The following SHROOM3 variants were observed in gnomAD, a reference collection of about 807,000 sequenced individuals.
The protein encoded by SHROOM3 is shroom family member 3, also known as protein Shroom3.
A neutral mutation model predicts 138.6 loss-of-function variants in SHROOM3; 47 were observed. The observed-to-expected ratio is 0.34, with a 90% CI of 0.27 to 0.43. The LOEUF (loss-of-function observed/expected upper bound fraction) is 0.43. SHROOM3 is among the 20% of genes least tolerant of loss of function. The pLI is 1.00. For synonymous variants in SHROOM3, 1,062 were observed against 1,063.3 expected, an observed-to-expected ratio of 1.00 and a Z score of 0.02; for missense variants, 2,491 against 2,596.5, an observed-to-expected ratio of 0.96 and a Z score of 0.88.
rs558155234 is a variant in SHROOM3, at chr4:76,444,064, A to C, written c.168+7844A>C. Among the ~76,000 whole-genome samples, 33 of 151,726 alleles carry C rather than the reference A, an allele frequency of 2.2e-4. 1 individual carries two copies. Among genetic ancestry groups the C allele is most frequent in the African/African-American group, 7.0e-4 (29 of 41,370 alleles). Reference sequence around the variant, plus strand: ...TCAGCCTCCCAAGTAGCTGGGATTAAAGGTGGACACCACCACACCCGGCTA... The same window carrying C: ...TCAGCCTCCCAAGTAGCTGGGATTACAGGTGGACACCACCACACCCGGCTA... On this transcript the variant is annotated intron_variant, in intron 1 of 10. Coordinates refer to ENST00000296043, the MANE Select transcript of SHROOM3 (RefSeq NM_020859.4).
At chr4:76,633,524 C>G (rs928379062) in intron 2 of SHROOM3, among the ~76,000 whole-genome samples, 91 of 151,192 alleles carry the variant, frequency 6.0e-4, no homozygotes, top group African/African-American at 2.0e-3. Context: ...GGTGTGGTGG[C>G]GGGCGCCTGT....
chr4:76,669,537 C>G (rs1718814909), intron 2 of SHROOM3, among the ~76,000 whole-genome samples: 1 of 151,744 alleles, frequency 6.6e-6, no homozygotes, highest in Non-Finnish European at 1.5e-5. Flanking sequence ...TCACTTGAAC[C>G]CGGGAGGTAG....
chr4:76,471,626 G>C (rs1402891369), intron 1 of SHROOM3, among the ~76,000 whole-genome samples: 1 of 152,164 alleles, frequency 6.6e-6, no homozygotes, highest in African/African-American at 2.4e-5. Flanking sequence ...CTCAAAGTGG[G>C]AGGGAGTCCT....
In SHROOM3 at chr4:76,741,551, G is replaced by A. The variant is rs949653440; in HGVS notation, c.3378G>A (p.Ala1126=). The A allele has an allele frequency of 1.9e-6, 3 of 1,546,472 alleles. No individual in the cohort carries two copies. The highest frequency in any genetic ancestry group is 2.7e-5 in the African/African-American group (2 of 73,458). ...GTGCCTACCTCCAGCCCGGCCCCGC[G>A]GCGCTCGAAGGCTCCGGCCTCGCCT... is the stretch of plus-strand genomic sequence containing the variant. The part of the protein sequence containing the change: ...AQSAYLQPGP[A]ALEGSGLASA... Residue 1126 remains alanine, a synonymous_variant, in exon 5 of 11, where the codon GCG becomes GCA. Transcript: ENST00000296043. The surrounding 1 kb of genome is among the most constrained non-coding windows in gnomAD (Gnocchi z 6.2).
At chr4:76,722,907 G>T (rs1348596645) in intron 3 of SHROOM3, among the ~76,000 whole-genome samples, 3 of 151,844 alleles carry the variant, frequency 2.0e-5, no homozygotes, top group Admixed American at 2.0e-4. Flanking sequence ...TTAGTAAGGG[G>T]TTTAAGAAAT....
intron 2 of SHROOM3, among the ~76,000 whole-genome samples, chr4:76,636,143 G>A (rs1735488574): frequency 6.6e-6 from 1 of 152,198 alleles, no homozygotes. Context: ...ATGTGTGATT[G>A]ATGTCTCTTT....
chr4:76,706,517 T>C (rs1168532186), intron 2 of SHROOM3, among the ~76,000 whole-genome samples: 3 of 152,222 alleles, frequency 2.0e-5, no homozygotes, highest in Admixed American at 2.0e-4. Flanking sequence ...CTCATTGTCT[T>C]CATGTTGACT....
Position 76,755,128 on chromosome 4 carries a change from C to T in SHROOM3, c.4645C>T (p.Pro1549Ser), listed in dbSNP as rs1307989929. Residue 1549 changes from proline to serine, a missense_variant, in exon 7 of 11, where the codon CCT becomes TCT. Physicochemically the swap from Pro to Ser is moderately conservative, Grantham distance 74. Transcript: ENST00000296043. The part of the protein sequence containing the change: ...PVYSMDDFPP[P>S]PPHTVCEAQL... ...GTATAGCATGGATGACTTCCCTCCA[C>T]CTCCTCCCCACACTGTATGTGAGGC... 1.2e-6 allele frequency: 2 copies of T among 1,610,110 alleles called. No homozygotes were observed. The highest frequency in any genetic ancestry group is 2.2e-5 in the East Asian group (1 of 44,788).
At chr4:76,627,142 C>G (rs924790376) in intron 2 of SHROOM3, among the ~76,000 whole-genome samples, 1 of 152,150 alleles carries the variant, frequency 6.6e-6, no homozygotes, top group Non-Finnish European at 1.5e-5. Flanking sequence ...AGGATCACAG[C>G]ACTTTGGGGG....
chr4:76,495,471 T>C (rs781303479), intron 1 of SHROOM3, among the ~76,000 whole-genome samples: 13 of 152,384 alleles, frequency 8.5e-5, no homozygotes, highest in Non-Finnish European at 1.8e-4. Context: ...AGAGATCTGA[T>C]GCAATCAGGC....
At chr4:76,775,027 C>T (rs373740783) in intron 10 of SHROOM3, among the ~76,000 whole-genome samples, 5 of 151,694 alleles carry the variant, frequency 3.3e-5, no homozygotes, top group African/African-American at 9.7e-5. Flanking sequence ...TTCTTAGTGG[C>T]GATTTCTGTG....
rs189384127 is a variant in SHROOM3 at position 76,658,306 on chromosome 4, C to T, written c.324-51850C>T. ...TTCCTGCTTCATTTCTGGAAGAGCC[C>T]TCAGGGGAGGTTCTAAAAATGGAAA... On this transcript the variant is annotated intron_variant, in intron 2 of 10. Transcript: ENST00000296043. Among the ~76,000 whole-genome samples the T allele has an allele frequency of 3.0e-4, 45 of 152,178 alleles. No individual in the cohort carries two copies. The East Asian group carries it at 3.9e-3, about 13-fold the overall frequency.
intron 2 of SHROOM3, among the ~76,000 whole-genome samples, chr4:76,661,686 T>A (rs1577958889): frequency 6.6e-6 from 1 of 152,186 alleles, no homozygotes; most frequent in African/African-American, 2.4e-5. Flanking sequence ...CAGTATATAA[T>A]CTTTTTTGTT....
intron 2 of SHROOM3, among the ~76,000 whole-genome samples, chr4:76,681,493 C>A (rs1236690900): frequency 3.3e-5 from 5 of 151,628 alleles, no homozygotes; most frequent in African/African-American, 1.2e-4. Flanking sequence ...ATTTTGAGAC[C>A]TCATTCAGCT....
intron 2 of SHROOM3, among the ~76,000 whole-genome samples, chr4:76,684,340 G>A (rs1453697085): frequency 2.0e-5 from 3 of 152,184 alleles, no homozygotes; most frequent in Non-Finnish European, 4.4e-5. Context: ...ATAAGGACAA[G>A]AACTTGCTGG....
chr4:76,449,440 G>T (rs371249659), intron 1 of SHROOM3, among the ~76,000 whole-genome samples: 1 of 152,158 alleles, frequency 6.6e-6, no homozygotes, highest in Non-Finnish European at 1.5e-5. Context: ...CACAGTTTCC[G>T]ACCTACCCTG....
chr4:76,682,235 AG>A (rs1179703605), intron 2 of SHROOM3, among the ~76,000 whole-genome samples: 4 of 152,298 alleles, frequency 2.6e-5, no homozygotes, highest in African/African-American at 9.6e-5. Context: ...TTACTGGAAA[AG>A]TCAATGTTAT....
intron 1 of SHROOM3, among the ~76,000 whole-genome samples, chr4:76,489,061 G>A (rs1354727592): frequency 1.3e-5 from 2 of 152,278 alleles, no homozygotes; most frequent in Admixed American, 1.3e-4. Flanking sequence ...AAGCAGGCAG[G>A]GCAGGGCCCA....
intron 2 of SHROOM3, among the ~76,000 whole-genome samples, chr4:76,630,467 C>G (rs1177527837): frequency 6.6e-6 from 1 of 152,046 alleles, no homozygotes; most frequent in African/African-American, 2.4e-5. Context: ...GCACTTGCAT[C>G]CTGTACAGTA....
Sources: gnomAD v4.1 joint callset for allele counts (sites outside exome capture counted in the v4.1 genomes callset) on GRCh38, gnomAD v4.1.1 for gene constraint, Gnocchi (gnomAD v3.1) non-coding constraint, MANE v1.5 for transcripts, NCBI Gene and HGNC (gene_info 2026-07-23, HGNC 2026-07-21) for gene names.